The following NKAIN2 variants were observed in gnomAD, a reference collection of about 807,000 sequenced individuals.
The protein encoded by NKAIN2 is sodium/potassium transporting ATPase interacting 2.
In NKAIN2, 14 loss-of-function variants were observed where a neutral mutation model predicts 32.6. The observed-to-expected ratio is 0.43, with a 90% CI of 0.28 to 0.67. The LOEUF is 0.67. Ranked by LOEUF, NKAIN2 falls within the 30% of genes least tolerant of loss-of-function variation. The pLI is 0.17. For missense variants in NKAIN2, 198 were observed against 258.3 expected (o/e 0.77, Z 1.60); for synonymous variants, 80 against 87.2 (o/e 0.92, Z 0.46).
chr6:123,903,521 C>T (rs1040933040), intron 1 of NKAIN2, among the ~76,000 whole-genome samples: 11 of 152,148 alleles, frequency 7.2e-5, no homozygotes, highest in Non-Finnish European at 1.0e-4. Context: ...GTGTTACTAT[C>T]TACCGGATAG....
At position 124,755,678 on chromosome 6, in the gene NKAIN2, C is replaced by T. The variant is rs374035075; in HGVS notation, c.475-35661C>T. Among the ~76,000 whole-genome samples the T allele has an allele frequency of 2.1e-3, 314 of 152,110 alleles. 3 individuals are homozygous for T. The highest frequency in any genetic ancestry group is 7.1e-3 in the African/African-American group (293 of 41,480). On this transcript the variant is annotated intron_variant, in intron 4 of 6. Transcript: ENST00000368417. ...TAAGTGATGAGAACACATGGACACA[C>T]AGAGGGGAACAACACACACTTGTGC... is the stretch of plus-strand genomic sequence containing the variant.
At chr6:124,017,066 C>T (rs571713485) in intron 1 of NKAIN2, among the ~76,000 whole-genome samples, 1 of 152,314 alleles carries the variant, frequency 6.6e-6, no homozygotes, top group South Asian at 2.1e-4. Flanking sequence ...TTAATAGACT[C>T]ATGATTCCAC....
Position 124,446,141 on chromosome 6 carries a change from C to T in NKAIN2, c.273+90794C>T, listed in dbSNP as rs181638214. ...GACCAACATCCTGTTTATTATTTTACTCTCATTATGTTGAAAGCAAACACT... is the reference window on the plus strand; with the variant it reads ...GACCAACATCCTGTTTATTATTTTATTCTCATTATGTTGAAAGCAAACACT... On this transcript the variant is annotated intron_variant, in intron 3 of 6. Coordinates refer to ENST00000368417, the MANE Select transcript of NKAIN2 (RefSeq NM_001040214.3). Among the ~76,000 whole-genome samples the T allele has an allele frequency of 4.3e-3, 647 of 152,186 alleles. 4 individuals carry two copies. The highest frequency in any genetic ancestry group is 0.01 in the Middle Eastern group (3 of 294).
intron 1 of NKAIN2, among the ~76,000 whole-genome samples, chr6:123,867,969 T>A (rs574344150): frequency 2.0e-5 from 3 of 151,278 alleles, no homozygotes; most frequent in East Asian, 3.9e-4. Flanking sequence ...CCCAGGTTCA[T>A]GCCATTCTCC....
At chr6:124,654,505 A>T (rs982762946) in intron 3 of NKAIN2, among the ~76,000 whole-genome samples, 1 of 152,156 alleles carries the variant, frequency 6.6e-6, no homozygotes, top group African/African-American at 2.4e-5. Context: ...GAAATGAAAA[A>T]TAAAATAAAA....
rs1773238832 is a variant in NKAIN2, at chr6:123,806,881, T to TCCTTA, written c.54+2627_54+2628insCCTTA. Among the ~76,000 whole-genome samples, 15 of 152,192 alleles carry TCCTTA rather than the reference T, an allele frequency of 9.9e-5. No individual in the cohort carries two copies. The South Asian group carries it at 3.1e-3, about 32-fold the overall frequency. On this transcript the variant is annotated intron_variant, in intron 1 of 6. Coordinates refer to ENST00000368417, the MANE Select transcript of NKAIN2 (RefSeq NM_001040214.3). The stretch of plus-strand genomic sequence containing the variant: ...TCCAGTCCTCGGAGCAAAGTATTTG[T>TCCTTA]ATTTTAAATAAATTTAAGGGAATAT...
chr6:124,444,424 C>G (rs944903196), intron 3 of NKAIN2, among the ~76,000 whole-genome samples: 3 of 151,944 alleles, frequency 2.0e-5, no homozygotes, highest in Non-Finnish European at 4.4e-5. Flanking sequence ...TAGCTCAAAA[C>G]CATTTTAAAT....
chr6:124,285,431 C>T (rs1228808795), intron 2 of NKAIN2, among the ~76,000 whole-genome samples: 1 of 152,222 alleles, frequency 6.6e-6, no homozygotes. Context: ...TCTATCTTTC[C>T]AGTTATTGAA....
At chr6:124,349,595 T>G (rs185738981) in intron 2 of NKAIN2, among the ~76,000 whole-genome samples, 60 of 152,326 alleles carry the variant, frequency 3.9e-4, no homozygotes, top group Non-Finnish European at 7.8e-4. Flanking sequence ...TGCAGTCACT[T>G]GCATCCAGCT....
intron 4 of NKAIN2, among the ~76,000 whole-genome samples, chr6:124,660,218 TG>T (rs1784697066): frequency 6.6e-6 from 1 of 152,218 alleles, no homozygotes; most frequent in South Asian, 2.1e-4. Context: ...CACAAAATTT[TG>T]GAAAATTTCC....
At chr6:124,315,848 T>A (rs1796928338) in intron 2 of NKAIN2, among the ~76,000 whole-genome samples, 1 of 152,276 alleles carries the variant, frequency 6.6e-6, no homozygotes, top group South Asian at 2.1e-4. Context: ...ATATCTCTTC[T>A]TATTCAAAAC....
intron 1 of NKAIN2, among the ~76,000 whole-genome samples, chr6:123,898,956 C>T (rs1774422761): frequency 6.6e-6 from 1 of 152,128 alleles, no homozygotes; most frequent in Non-Finnish European, 1.5e-5. Context: ...AGACTTTTTT[C>T]TGGTGAAAAC....
chr6:124,468,532 T>C (rs1209850625), intron 3 of NKAIN2, among the ~76,000 whole-genome samples: 3 of 152,166 alleles, frequency 2.0e-5, no homozygotes, highest in African/African-American at 7.2e-5. Flanking sequence ...TTAGTTCAGA[T>C]TGCATAAAAT....
chr6:124,547,745 G>A (rs368068267), intron 3 of NKAIN2, among the ~76,000 whole-genome samples: 1 of 152,160 alleles, frequency 6.6e-6, no homozygotes, highest in Non-Finnish European at 1.5e-5. Context: ...AAGGGGCCAA[G>A]GTCAATCTGG....
intron 3 of NKAIN2, among the ~76,000 whole-genome samples, chr6:124,602,617 C>T (rs954260672): frequency 6.6e-6 from 1 of 151,758 alleles, no homozygotes; most frequent in Admixed American, 6.6e-5. Flanking sequence ...AGGAAAAGAC[C>T]AGCAACTATG....
intron 3 of NKAIN2, among the ~76,000 whole-genome samples, chr6:124,644,164 G>T (rs894456695): frequency 4.6e-5 from 7 of 152,048 alleles, no homozygotes; most frequent in Non-Finnish European, 8.8e-5. Context: ...TTGAAGAAAT[G>T]ACATGACTAA....
chr6:124,325,975 T>C (rs1797392311), intron 2 of NKAIN2, among the ~76,000 whole-genome samples: 1 of 152,078 alleles, frequency 6.6e-6, no homozygotes, highest in Non-Finnish European at 1.5e-5. Context: ...GAATTAGAGT[T>C]TATATATTTT....
chr6:124,198,495 T>G (rs192572083), intron 1 of NKAIN2, among the ~76,000 whole-genome samples: 7 of 151,678 alleles, frequency 4.6e-5, no homozygotes, highest in Admixed American at 2.0e-4. Context: ...AGAGTTTCTC[T>G]TCTTCTCTAT....
intron 1 of NKAIN2, among the ~76,000 whole-genome samples, chr6:124,157,250 G>GACACACAC (rs772415964): frequency 4.3e-4 from 47 of 109,924 alleles, no homozygotes; most frequent in East Asian, 1.8e-3. Context: ...TGTCATAATG[G>GACACACAC]ACACACACAC....
Sources: allele counts gnomAD v4.1 joint callset (sites outside exome capture counted in the v4.1 genomes callset), GRCh38; gene constraint gnomAD v4.1.1; transcripts MANE v1.5; gene names NCBI Gene and HGNC (gene_info 2026-07-23, HGNC 2026-07-21).